Variants in PITPNC1 observed in about 807,000 individuals in gnomAD.
PITPNC1 encodes the protein phosphatidylinositol transfer protein cytoplasmic 1, also known as cytoplasmic phosphatidylinositol transfer protein 1.
Under a neutral mutation model 44.7 loss-of-function variants are expected in PITPNC1, and 18 were observed. The observed-to-expected ratio is 0.40, with a 90% CI of 0.28 to 0.60. The LOEUF (loss-of-function observed/expected upper bound fraction) is 0.60, where lower values mean the gene tolerates loss of function less well. Ranked by LOEUF, PITPNC1 falls within the 20% of genes least tolerant of loss-of-function variation. The pLI is 0.39. For synonymous variants in PITPNC1, 141 were observed against 149.6 expected (o/e 0.94, Z 0.42); for missense variants, 290 against 418.4 (o/e 0.69, Z 2.68).
chr17:67,413,632 G>A (rs879833005), intron 1 of PITPNC1, among the ~76,000 whole-genome samples: 11 of 151,882 alleles, frequency 7.2e-5, no homozygotes, highest in African/African-American at 1.7e-4. Flanking sequence ...AGGCAGATGA[G>A]GAGTTTGATG....
At chr17:67,687,520 C>T (rs2042839320) in intron 8 of PITPNC1, among the ~76,000 whole-genome samples, 1 of 152,216 alleles carries the variant, frequency 6.6e-6, no homozygotes, top group Admixed American at 6.5e-5. Flanking sequence ...ACTAGAATAA[C>T]ATGTCAGTAA....
intron 1 of PITPNC1, among the ~76,000 whole-genome samples, chr17:67,470,074 C>T (rs2143998387): frequency 6.6e-6 from 1 of 152,162 alleles, no homozygotes; most frequent in East Asian, 1.9e-4. Flanking sequence ...AGGCACACAC[C>T]ACCACACTTG....
intron 2 of PITPNC1, among the ~76,000 whole-genome samples, chr17:67,534,580 A>G (rs1347693049): frequency 6.6e-6 from 1 of 152,062 alleles, no homozygotes; most frequent in Non-Finnish European, 1.5e-5. Flanking sequence ...TGAGGGCTGC[A>G]GTGAGCTGAG....
intron 1 of PITPNC1, among the ~76,000 whole-genome samples, chr17:67,383,282 G>A (rs1482971948): frequency 1.3e-5 from 2 of 152,202 alleles, no homozygotes; most frequent in Non-Finnish European, 2.9e-5. Context: ...CCTGTAGTAG[G>A]TGCAGTTAAG....
chr17:67,532,000 A>C (rs539184565), intron 1 of PITPNC1, among the ~76,000 whole-genome samples: 1 of 152,340 alleles, frequency 6.6e-6, no homozygotes, highest in African/African-American at 2.4e-5. Flanking sequence ...AGAGGCAGGA[A>C]GGCAGATGGA....
chr17:67,476,563 T>G (rs916980699), intron 1 of PITPNC1, among the ~76,000 whole-genome samples: 1 of 152,148 alleles, frequency 6.6e-6, no homozygotes, highest in Non-Finnish European at 1.5e-5. Context: ...GGTTCTTAAC[T>G]CTGGATGCAT....
chr17:67,638,868 G>A (rs1243906991), intron 6 of PITPNC1: 2 of 152,170 alleles, frequency 1.3e-5, no homozygotes, highest in Admixed American at 6.6e-5. Flanking sequence ...CAGCACTTTG[G>A]GGGAGGCTGA....
chr17:67,626,200 G>C lies in PITPNC1; in HGVS notation c.367-5943G>C, dbSNP rs537814949. 2.6e-5 allele frequency among the ~76,000 whole-genome samples: 4 copies of C among 152,026 alleles called. No individual in the cohort carries two copies. The South Asian group carries it at 8.3e-4, about 32-fold the overall frequency. Reference sequence around the variant, plus strand: ...AGGGTCTTGCTATGTTGCCCAGGCTGGTCTCAAACTCCTGGGCTTAAGCCA... The same window carrying C: ...AGGGTCTTGCTATGTTGCCCAGGCTCGTCTCAAACTCCTGGGCTTAAGCCA... On this transcript the variant is annotated intron_variant, in intron 5 of 8. Coordinates refer to ENST00000581322, the MANE Select transcript of PITPNC1 (RefSeq NM_012417.4).
intron 6 of PITPNC1, among the ~76,000 whole-genome samples, chr17:67,651,511 TA>T (rs111609887): frequency 0.19 from 28,077 of 148,526 alleles, 3,497 homozygotes; most frequent in African/African-American, 0.36. Flanking sequence ...AGACTCCGTC[TA>T]AAAAAAAAAC....
At chr17:67,683,685 T>A (rs372781180) in intron 8 of PITPNC1, among the ~76,000 whole-genome samples, 4 of 149,688 alleles carry the variant, frequency 2.7e-5, no homozygotes, top group Admixed American at 6.6e-5. Flanking sequence ...TTAAAAAAAA[T>A]AATAGGGGAT....
At chr17:67,609,715 G>A (rs2041662889) in intron 5 of PITPNC1, among the ~76,000 whole-genome samples, 1 of 151,626 alleles carries the variant, frequency 6.6e-6, no homozygotes, top group Non-Finnish European at 1.5e-5. Flanking sequence ...TGTGCTCTGA[G>A]TCCGGCAAAC....
At chr17:67,603,513 C>T (rs1393490772) in intron 5 of PITPNC1, among the ~76,000 whole-genome samples, 1 of 152,176 alleles carries the variant, frequency 6.6e-6, no homozygotes, top group African/African-American at 2.4e-5. Flanking sequence ...TGAGAGCCAG[C>T]GGTCTGCACA....
chr17:67,675,206 C>G (rs1035111391), intron 7 of PITPNC1, among the ~76,000 whole-genome samples: 2 of 151,998 alleles, frequency 1.3e-5, no homozygotes, highest in African/African-American at 4.8e-5. Context: ...GTGTGACTGT[C>G]AAGTATTTGT....
At chr17:67,496,180 G>C (rs776123403) in intron 1 of PITPNC1, among the ~76,000 whole-genome samples, 8 of 152,126 alleles carry the variant, frequency 5.3e-5, no homozygotes, top group Non-Finnish European at 1.0e-4. Flanking sequence ...CACAACTTAA[G>C]ATGGGAAAAA....
chr17:67,523,830 T>TTA (rs1555661641), intron 1 of PITPNC1, among the ~76,000 whole-genome samples: 1 of 148,814 alleles, frequency 6.7e-6, no homozygotes, highest in East Asian at 2.0e-4. Context: ...TTTTTTTTTT[T>TTA]AATTGAGACA....
chr17:67,676,966 G>A lies in PITPNC1; in HGVS notation c.682+1424G>A, dbSNP rs1002230253. Among the ~76,000 whole-genome samples the A allele has an allele frequency of 2.0e-5, 3 of 151,944 alleles. No individual in the cohort carries two copies. The highest frequency in any genetic ancestry group is 2.1e-4 in the South Asian group (1 of 4,820). On this transcript the variant is annotated intron_variant, in intron 8 of 8. Transcript: ENST00000581322. This position sits in a 1 kb window ranked among gnomAD's most constrained non-coding sequence, Gnocchi z 4.0. ...ACCCACAGAATGCCGCTCTCATACC[G>A]CAAAAGCACTGGCTTGCCACATTGT...
At chr17:67,628,387 T>G (rs918397720) in intron 5 of PITPNC1, among the ~76,000 whole-genome samples, 1 of 152,056 alleles carries the variant, frequency 6.6e-6, no homozygotes, top group Non-Finnish European at 1.5e-5. Flanking sequence ...AATCAGGAGA[T>G]AGAAACCATG....
chr17:67,673,966 CAAAAAAAAAAA>C (rs34458518), intron 7 of PITPNC1, among the ~76,000 whole-genome samples: 2 of 84,884 alleles, frequency 2.4e-5, no homozygotes, highest in Non-Finnish European at 4.4e-5. Context: ...GACTCCGTCT[CAAAAAAAAAAA>C]AAAAAAAAAA....
chr17:67,616,830 T>C, intron 5 of PITPNC1, among the ~76,000 whole-genome samples: 1 of 152,236 alleles, frequency 6.6e-6, no homozygotes, highest in East Asian at 1.9e-4. Context: ...CATTTTCGCC[T>C]GGTGCGTTCG....
Sources: allele counts gnomAD v4.1 joint callset (sites outside exome capture counted in the v4.1 genomes callset), GRCh38; gene constraint gnomAD v4.1.1; non-coding constraint Gnocchi (gnomAD v3.1); transcripts MANE v1.5; gene names NCBI Gene and HGNC (gene_info 2026-07-23, HGNC 2026-07-21).